GRIA3: variants seen among roughly 807,000 people sequenced by gnomAD.
The protein encoded by GRIA3 is glutamate ionotropic receptor AMPA type subunit 3.
GRIA3 carries 3 observed loss-of-function variants against 63.0 expected under a neutral mutation model. That is an observed-to-expected ratio of 0.05 (90% CI 0.02 to 0.12). GRIA3 has a LOEUF of 0.12. GRIA3 is among the 10% of genes least tolerant of loss of function. GRIA3 has a pLI of 1.00. For synonymous variants in GRIA3, 274 were observed against 257.9 expected (o/e 1.06, Z -0.60); for missense variants, 347 against 700.9 (o/e 0.50, Z 5.70).
Position 123,395,142 on chromosome X carries a change from G to T in GRIA3, c.912+13G>T. 1 of 1,194,816 alleles carries T rather than the reference G, an allele frequency of 8.4e-7. No homozygotes were observed. The highest frequency in any genetic ancestry group is 1.8e-5 in the South Asian group (1 of 56,578). On this transcript the variant is annotated intron_variant, in intron 6 of 15. Transcript: ENST00000620443. ...TGCACCACTAAAGGTAATGTTCCATGGCATGTAAAAAACCTAAGGCCAGCT... is the reference window on the plus strand; with the variant it reads ...TGCACCACTAAAGGTAATGTTCCATTGCATGTAAAAAACCTAAGGCCAGCT...
At position 123,185,877 on chromosome X, in the gene GRIA3, G is replaced by A. The variant is rs778815097; in HGVS notation, c.155G>A (p.Arg52His). The A allele has an allele frequency of 1.7e-6, 2 of 1,205,241 alleles. No individual in the cohort carries two copies. The highest frequency in any genetic ancestry group is 2.2e-6 in the Non-Finnish European group (2 of 891,502). The change falls in exon 2 of 16, where the codon CGC becomes CAC. Residue 52 changes from arginine (R) to histidine (H), a missense_variant. Arg to His is a conservative substitution (Grantham distance 29, BLOSUM62 0). Transcript: ENST00000620443. ...ACAGTGCAGGAGCACAGCGCTTTCC[G>A]CTTTGCCGTGCAGTTATACAACACC... Reference protein sequence around the residue: ...RNTVQEHSAFRFAVQLYNTNQ... With the variant: ...RNTVQEHSAFHFAVQLYNTNQ...
At chrX:123,274,792 A>C (rs1201734137) in intron 3 of GRIA3, among the ~76,000 whole-genome samples, 1 of 111,821 alleles carries the variant, frequency 8.9e-6, no homozygotes, top group Non-Finnish European at 1.9e-5. Context: ...GAAGAATTCC[A>C]TGACCAAAAA....
intron 3 of GRIA3, among the ~76,000 whole-genome samples, chrX:123,290,865 T>C (rs576036574): frequency 9.0e-6 from 1 of 110,977 alleles, no homozygotes; most frequent in African/African-American, 3.3e-5. Flanking sequence ...TGGCCACTTA[T>C]AAGGTGGGGT....
intron 10 of GRIA3, among the ~76,000 whole-genome samples, chrX:123,415,142 G>A: frequency 1.8e-5 from 2 of 111,816 alleles, no homozygotes. Flanking sequence ...ATCTCATTGT[G>A]GTTTTGATTT....
At chrX:123,367,421 T>G (rs959409693) in intron 5 of GRIA3, among the ~76,000 whole-genome samples, 1 of 105,419 alleles carries the variant, frequency 9.5e-6, no homozygotes, top group Non-Finnish European at 2.0e-5. Context: ...TTCTCTCTTT[T>G]TTTTGTTTTT....
Position 123,260,430 on chromosome X carries a change from A to C in GRIA3, c.508+6888A>C, listed in dbSNP as rs12007176. ...ACAGACAGACAGACAGACAGACAGAAAGAAAGAAAGAAAGAAAGAAAGAAA... is the reference window on the plus strand; with the variant it reads ...ACAGACAGACAGACAGACAGACAGACAGAAAGAAAGAAAGAAAGAAAGAAA... On this transcript the variant is annotated intron_variant, in intron 3 of 15. Transcript: ENST00000620443. Among the ~76,000 whole-genome samples the C allele has an allele frequency of 2.0e-3, 32 of 16,292 alleles. 1 individual carries two copies. The highest frequency in any genetic ancestry group is 3.9e-3 in the African/African-American group (21 of 5,444). 14.1% of individuals were successfully genotyped at this position (16,292 alleles called of 115,157 possible). A position where few individuals can be genotyped will look rare whatever the true frequency, so the allele number is the denominator to read the frequency against.
intron 3 of GRIA3, 158 bp downstream of exon 3, chrX:123,253,700 A>C (rs2044403503): frequency 1.1e-5 from 6 of 524,690 alleles, no homozygotes; most frequent in Non-Finnish European, 1.8e-5. Context: ...TTAAAAAATA[A>C]AAGTAATAGT....
chrX:123,373,525 G>A (rs1053916195), intron 5 of GRIA3, among the ~76,000 whole-genome samples: 14 of 111,805 alleles, frequency 1.3e-4, no homozygotes, highest in Admixed American at 1.2e-3. Flanking sequence ...TCCAGCACCT[G>A]TTGTTTTAAT....
At chrX:123,338,707 C>T (rs762099889) in intron 4 of GRIA3, among the ~76,000 whole-genome samples, 2 of 111,078 alleles carry the variant, frequency 1.8e-5, no homozygotes, top group Admixed American at 9.6e-5. Context: ...TGTGCCACCA[C>T]GCCGGGCTAA....
At chrX:123,199,274 A>AT (rs5903635) in intron 2 of GRIA3, among the ~76,000 whole-genome samples, 7,634 of 78,520 alleles carry the variant, frequency 0.097, 812 homozygotes, top group African/African-American at 0.24. Context: ...AGTCTTTTAA[A>AT]TTTTTTTTTT....
intron 5 of GRIA3, among the ~76,000 whole-genome samples, chrX:123,362,944 A>C (rs1341501013): frequency 8.9e-6 from 1 of 112,852 alleles, no homozygotes; most frequent in Non-Finnish European, 1.9e-5. Context: ...TCATGAGTGA[A>C]CAATATAAGC....
chrX:123,463,235 G>A (rs933676042), intron 12 of GRIA3, among the ~76,000 whole-genome samples: 2 of 110,045 alleles, frequency 1.8e-5, no homozygotes, highest in African/African-American at 6.6e-5. Flanking sequence ...ATATATTAAT[G>A]CAAATTCAAA....
chrX:123,330,978 AT>A (rs765123952), intron 4 of GRIA3, among the ~76,000 whole-genome samples: 5 of 112,156 alleles, frequency 4.5e-5, no homozygotes, highest in Admixed American at 3.8e-4. Flanking sequence ...AATAAATAGT[AT>A]TTTCTAATTT....
chrX:123,253,539 C>T lies in GRIA3; in HGVS notation c.505C>T (p.Arg169Ter). 8.3e-7 allele frequency: 1 copy of T among 1,205,950 alleles called. No individual in the cohort carries two copies. The change falls in exon 3 of 16, where the codon CGA (arginine) becomes TGA (stop). Residue 169 changes from arginine to a stop codon, truncating the protein, a stop_gained. Transcript: ENST00000620443. LOFTEE classifies it high-confidence loss of function. ...EKFVYLYDTE[R>*]GFSILQAIME... ...GTTTGTGTACCTCTATGACACAGAACGAGGTAAGAAGAGGCACCTGCTCTG... is the reference window on the plus strand; with the variant it reads ...GTTTGTGTACCTCTATGACACAGAATGAGGTAAGAAGAGGCACCTGCTCTG...
intron 1 of GRIA3, 33 bp from the exon 2 acceptor site, chrX:123,185,799 C>T: frequency 9.2e-6 from 11 of 1,198,468 alleles, no homozygotes; most frequent in Non-Finnish European, 1.2e-5. Flanking sequence ...TGTGGGGGAA[C>T]ACAAGCCAAA....
chrX:123,293,355 A>G (rs1166885177), intron 3 of GRIA3, among the ~76,000 whole-genome samples: 1 of 111,758 alleles, frequency 8.9e-6, no homozygotes, highest in East Asian at 2.8e-4. Context: ...CATAGAAAAT[A>G]TATAATAAAT....
In GRIA3 at chrX:123,269,257, T is replaced by A. The variant is rs2044506334; in HGVS notation, c.508+15715T>A. Among the ~76,000 whole-genome samples the A allele has an allele frequency of 4.5e-5, 5 of 112,350 alleles. No individual in the cohort carries two copies. The South Asian group carries it at 1.8e-3, about 41-fold the overall frequency. On this transcript the variant is annotated intron_variant, in intron 3 of 15. Coordinates refer to ENST00000620443, the MANE Select transcript of GRIA3 (RefSeq NM_007325.5). ...ACCACAGGCATTAGGCTCTGTGTTG[T>A]GTGGCTGTTTCCTCACCAATAAAGT...
chrX:123,401,171 C>A (rs770719072), intron 7 of GRIA3, among the ~76,000 whole-genome samples: 1 of 112,055 alleles, frequency 8.9e-6, no homozygotes, highest in Non-Finnish European at 1.9e-5. Flanking sequence ...TGGACCACAT[C>A]CTTAAAAATA....
intron 3 of GRIA3, among the ~76,000 whole-genome samples, chrX:123,255,179 TAG>T (rs2044412736): frequency 9.0e-6 from 1 of 111,485 alleles, no homozygotes; most frequent in Non-Finnish European, 1.9e-5. Context: ...TCCAGAAAAG[TAG>T]AGTTTTCAGA....
Sources: allele counts gnomAD v4.1 joint callset (sites outside exome capture counted in the v4.1 genomes callset), GRCh38; gene constraint gnomAD v4.1.1; transcripts MANE v1.5; gene names NCBI Gene and HGNC (gene_info 2026-07-23, HGNC 2026-07-21).